The following RALGPS1 variants were observed in gnomAD, a reference collection of about 807,000 sequenced individuals.
The protein encoded by RALGPS1 is Ral GEF with PH domain and SH3 binding motif 1.
In RALGPS1, 19 loss-of-function variants were observed where a neutral mutation model predicts 78.8. The observed-to-expected ratio is 0.24, with a 90% CI of 0.17 to 0.35. RALGPS1 has a LOEUF of 0.35. Ranked by LOEUF, RALGPS1 falls within the 10% of genes least tolerant of loss-of-function variation. The probability of loss-of-function intolerance (pLI) is 1.00; values close to 1 mark genes in which losing one functional copy is unlikely to be tolerated. For missense variants in RALGPS1, 454 were observed against 688.3 expected (o/e 0.66, Z 3.81); for synonymous variants, 228 against 256.3 (o/e 0.89, Z 1.06).
intron 4 of RALGPS1, among the ~76,000 whole-genome samples, chr9:126,998,529 G>C (rs1334496128): frequency 6.6e-6 from 1 of 152,190 alleles, no homozygotes; most frequent in Non-Finnish European, 1.5e-5. Flanking sequence ...AGGTGCTGGA[G>C]AGGATGTGGA....
chr9:126,921,222 G>A (rs10987520), intron 1 of RALGPS1, among the ~76,000 whole-genome samples: 26,361 of 152,144 alleles, frequency 0.17, 3,002 homozygotes, highest in East Asian at 0.44. Flanking sequence ...AGGTCAAGTC[G>A]TCTGAGAGAT....
intron 1 of RALGPS1, among the ~76,000 whole-genome samples, chr9:126,957,820 T>A (rs1474611993): frequency 1.3e-5 from 2 of 151,940 alleles, no homozygotes; most frequent in South Asian, 4.2e-4. Context: ...CACTAGACAT[T>A]CCTCAAAGTT....
At chr9:126,991,603 G>A (rs2042290212) in intron 4 of RALGPS1, among the ~76,000 whole-genome samples, 1 of 152,152 alleles carries the variant, frequency 6.6e-6, no homozygotes, top group Non-Finnish European at 1.5e-5. Flanking sequence ...GAAGTTTGGG[G>A]TAGTGAGAGG....
At chr9:127,108,095 C>CG in intron 8 of RALGPS1, 1 of 1,610,824 alleles carries the variant, frequency 6.2e-7, no homozygotes, top group Non-Finnish European at 8.5e-7. Context: ...GGCTGGGGGA[C>CG]GGGCCTGGCC....
chr9:126,920,158 G>A (rs1159841446), intron 1 of RALGPS1, among the ~76,000 whole-genome samples: 1 of 152,098 alleles, frequency 6.6e-6, no homozygotes, highest in African/African-American at 2.4e-5. Context: ...CACAGGGTAG[G>A]CTCTTGTTGA....
intron 1 of RALGPS1, among the ~76,000 whole-genome samples, chr9:126,927,019 C>T (rs1165930258): frequency 9.9e-5 from 15 of 152,110 alleles, no homozygotes; most frequent in Admixed American, 9.8e-4. Flanking sequence ...GCTTGGTGGA[C>T]CTGCCCACTT....
At chr9:127,041,113 G>A (rs949151035) in intron 5 of RALGPS1, among the ~76,000 whole-genome samples, 6 of 143,936 alleles carry the variant, frequency 4.2e-5, no homozygotes, top group Admixed American at 7.0e-5. Flanking sequence ...TATCCCCGAG[G>A]TGGAGTCTTG....
chr9:127,132,407 C>CA (rs2057069593), intron 8 of RALGPS1, among the ~76,000 whole-genome samples: 1 of 152,220 alleles, frequency 6.6e-6, no homozygotes, highest in African/African-American at 2.4e-5. Context: ...CACAACAAAA[C>CA]ACCTGAAGCA....
At chr9:127,109,459 T>C (rs1427884728) in intron 8 of RALGPS1, among the ~76,000 whole-genome samples, 1 of 152,222 alleles carries the variant, frequency 6.6e-6, no homozygotes, top group Non-Finnish European at 1.5e-5. Flanking sequence ...GTTACGTGGC[T>C]CTGGTCACTG....
intron 17 of RALGPS1, 77 bp from the exon 18 acceptor site, chr9:127,214,674 C>A: frequency 6.5e-7 from 1 of 1,538,110 alleles, no homozygotes; most frequent in East Asian, 2.4e-5. Context: ...CCCGTGTTTA[C>A]ATTTCTCTTT....
chr9:126,998,429 C>G (rs1473570623), intron 4 of RALGPS1, among the ~76,000 whole-genome samples: 2 of 152,226 alleles, frequency 1.3e-5, no homozygotes, highest in Admixed American at 6.5e-5. Context: ...CTCATTATCA[C>G]TGGCCATCAG....
rs528621529 is a variant in RALGPS1 at position 127,218,907 on chromosome 9, G to T, written c.*138G>T. On this transcript the variant is annotated 3_prime_UTR_variant, in exon 19 of 19. Transcript: ENST00000259351. The surrounding 1 kb of genome is among the most constrained non-coding windows in gnomAD (Gnocchi z 4.4). The stretch of plus-strand genomic sequence containing the variant: ...GCTGGACTCAGGGGACACGGCCTGT[G>T]GCCTCACCATCCCAGAGGGCTTCAC... 3.5e-5 allele frequency: 34 copies of T among 977,092 alleles called. No homozygotes were observed. The African/African-American group carries it at 5.5e-4, about 16-fold the overall frequency. 60.5% of individuals were successfully genotyped at this position (977,092 alleles called of 1,614,324 possible). A position where few individuals can be genotyped will look rare whatever the true frequency, so the allele number is the denominator to read the frequency against.
chr9:126,958,046 C>T lies in RALGPS1; in HGVS notation c.-65-4179C>T, dbSNP rs908295130. On this transcript the variant is annotated intron_variant, in intron 1 of 18. Coordinates refer to ENST00000259351, the MANE Select transcript of RALGPS1 (RefSeq NM_014636.3). ...CCAACTGCATGGGAGGCTGAGGATC[C>T]CTTCAGCCCAGGAGTTTGAGGTTGC... 2.0e-5 allele frequency among the ~76,000 whole-genome samples: 3 copies of T among 150,462 alleles called. No individual in the cohort carries two copies. The Admixed American group carries it at 2.0e-4, about 10-fold the overall frequency.
At chr9:127,180,248 G>A (rs539394319) in intron 11 of RALGPS1, among the ~76,000 whole-genome samples, 10 of 152,292 alleles carry the variant, frequency 6.6e-5, no homozygotes, top group African/African-American at 2.2e-4. Flanking sequence ...TGTTAGCCCC[G>A]CCTCCACGTG....
intron 4 of RALGPS1, among the ~76,000 whole-genome samples, chr9:126,997,659 G>GA (rs2042898528): frequency 1.3e-5 from 2 of 152,082 alleles, no homozygotes; most frequent in South Asian, 4.1e-4. Flanking sequence ...CACGGAATTG[G>GA]AAAAAACTAC....
intron 8 of RALGPS1, among the ~76,000 whole-genome samples, chr9:127,121,464 C>T (rs1372865203): frequency 6.6e-6 from 1 of 152,226 alleles, no homozygotes; most frequent in African/African-American, 2.4e-5. Context: ...AGATGCTTTT[C>T]CAAGTAACTG....
At chr9:126,999,435 T>A (rs1256837833) in intron 4 of RALGPS1, among the ~76,000 whole-genome samples, 3 of 152,240 alleles carry the variant, frequency 2.0e-5, no homozygotes, top group Non-Finnish European at 4.4e-5. Context: ...TATAGTGTCA[T>A]ACAGAATAGT....
At chr9:127,199,911 C>T (rs1350872076) in intron 14 of RALGPS1, among the ~76,000 whole-genome samples, 1 of 142,420 alleles carries the variant, frequency 7.0e-6, no homozygotes, top group African/African-American at 2.5e-5. Flanking sequence ...CACACACACA[C>T]GTACACATGC....
chr9:127,082,545 C>T (rs12552963), intron 8 of RALGPS1, among the ~76,000 whole-genome samples: 57,159 of 151,850 alleles, frequency 0.38, 12,600 homozygotes, highest in Non-Finnish European at 0.48. Context: ...CTGAGTGATA[C>T]GGGGTGACAT....
Sources: allele counts gnomAD v4.1 joint callset (sites outside exome capture counted in the v4.1 genomes callset), GRCh38; gene constraint gnomAD v4.1.1; non-coding constraint Gnocchi (gnomAD v3.1); transcripts MANE v1.5; gene names NCBI Gene and HGNC (gene_info 2026-07-23, HGNC 2026-07-21).